The following PPP2CA variants were observed in gnomAD, a reference collection of about 807,000 sequenced individuals.
PPP2CA encodes protein phosphatase 2 catalytic subunit alpha.
A neutral mutation model predicts 38.8 loss-of-function variants in PPP2CA; 5 were observed. The ratio of observed to expected loss-of-function variants is 0.13; its 90% CI spans 0.07 to 0.27. PPP2CA has a LOEUF of 0.27. Among genes scored for constraint, PPP2CA ranks in the 10% least tolerant of loss-of-function variants. The pLI is 1.00. For synonymous variants in PPP2CA, 152 were observed against 134.0 expected (o/e 1.13, Z -0.93); for missense variants, 88 against 389.7 (o/e 0.23, Z 6.52).
In PPP2CA at chr5:134,197,616, G is replaced by C; in HGVS notation, c.*156C>G. 1.6e-6 allele frequency: 1 copy of C among 627,264 alleles called. No homozygotes were observed. The highest frequency in any genetic ancestry group is 2.0e-5 in the South Asian group (1 of 50,584). 38.9% of individuals were successfully genotyped at this position (627,264 alleles called of 1,614,324 possible). A position where few individuals can be genotyped will look rare whatever the true frequency, so the allele number is the denominator to read the frequency against. On this transcript the variant is annotated 3_prime_UTR_variant, in exon 7 of 7. Transcript: ENST00000481195. ...TGGTCACGGCTGTTGATGACAAGAGGCTTTGTATTTTTATATGGCACATCT... is the reference window on the plus strand; with the variant it reads ...TGGTCACGGCTGTTGATGACAAGAGCCTTTGTATTTTTATATGGCACATCT...
rs757879622 is a variant in PPP2CA, at chr5:134,199,069, C to G, written c.857+17G>C. ...ATATTCAGTAATGCAAGAAAATGTT[C>G]AGGTAGAATTACTTACAAAGAGTAT... On this transcript the variant is annotated intron_variant, in intron 6 of 6. Transcript: ENST00000481195. The G allele has an allele frequency of 3.8e-6, 6 of 1,561,998 alleles. No individual in the cohort carries two copies. In the Admixed American group the frequency reaches 1.0e-4, roughly 26 times the overall value.
intron 1 of PPP2CA, among the ~76,000 whole-genome samples, chr5:134,220,182 G>T (rs1417520775): frequency 2.0e-5 from 3 of 151,706 alleles, no homozygotes; most frequent in African/African-American, 7.3e-5. Flanking sequence ...AACAGGTCTG[G>T]TGCCAGTGGC....
intron 5 of PPP2CA, 101 bp downstream of exon 5, chr5:134,200,234 G>T: frequency 7.7e-7 from 1 of 1,297,838 alleles, no homozygotes; most frequent in Non-Finnish European, 1.0e-6. Flanking sequence ...AGAAGGAATA[G>T]ATGGAATTTC....
At chr5:134,212,833 C>G (rs796352292) in intron 1 of PPP2CA, among the ~76,000 whole-genome samples, 2 of 152,308 alleles carry the variant, frequency 1.3e-5, no homozygotes, top group African/African-American at 4.8e-5. Context: ...TAGATCAAAT[C>G]AGCCACAACA....
chr5:134,224,846 T>C (rs1315629130), intron 1 of PPP2CA, among the ~76,000 whole-genome samples: 1 of 152,260 alleles, frequency 6.6e-6, no homozygotes, highest in East Asian at 1.9e-4. Flanking sequence ...ATGTCTGGAA[T>C]ACAATCTCAG....
At chr5:134,199,003 G>A (rs1384017818) in intron 6 of PPP2CA, 83 bp downstream of exon 6, 1 of 1,110,994 alleles carries the variant, frequency 9.0e-7, no homozygotes, top group Admixed American at 1.8e-5. Context: ...GGGCAATATA[G>A]TGACACCCTC....
At chr5:134,216,293 T>C (rs958922620) in intron 1 of PPP2CA, among the ~76,000 whole-genome samples, 1 of 151,990 alleles carries the variant, frequency 6.6e-6, no homozygotes, top group African/African-American at 2.4e-5. Context: ...TCCCAGCACT[T>C]CGGGAGGCCA....
chr5:134,214,970 G>A (rs752477876), intron 1 of PPP2CA, among the ~76,000 whole-genome samples: 3 of 150,980 alleles, frequency 2.0e-5, no homozygotes, highest in Non-Finnish European at 4.4e-5. Flanking sequence ...AACTTGCATC[G>A]TTAACATTAT....
In PPP2CA at chr5:134,196,333, T is replaced by TA. The variant is rs1761848712; in HGVS notation, c.*1438dup. 1 of 152,238 alleles carries TA rather than the reference T, an allele frequency of 6.6e-6. No individual in the cohort carries two copies. The highest frequency in any genetic ancestry group is 2.4e-5 in the African/African-American group (1 of 41,452). The allele number at this position is 152,238 out of a possible 1,614,324, so 9.4% of individuals were successfully genotyped here. On this transcript the variant is annotated 3_prime_UTR_variant, in exon 7 of 7. Transcript: ENST00000481195. ...AGTGTTCCTGTTTACTCTGGTAGGT[T>TA]AAAATATCAAATATTAGTTCCCACA... is the stretch of plus-strand genomic sequence containing the variant.
At chr5:134,210,386 T>C (rs1762178172) in intron 1 of PPP2CA, among the ~76,000 whole-genome samples, 1 of 152,222 alleles carries the variant, frequency 6.6e-6, no homozygotes, top group African/African-American at 2.4e-5. Context: ...GCATTTTGAC[T>C]TCTGTAAAGT....
chr5:134,206,217 T>A, intron 1 of PPP2CA, 86 bp from the exon 2 acceptor site: 1 of 1,148,860 alleles, frequency 8.7e-7, no homozygotes, highest in Non-Finnish European at 1.3e-6. Flanking sequence ...TAATGTAGCT[T>A]AAGGGGCAGA....
Position 134,194,730 on chromosome 5 carries a change from C to T in PPP2CA, c.*3042G>A, listed in dbSNP as rs1419503320. The T allele has an allele frequency of 5.3e-5, 8 of 152,322 alleles. No homozygotes were observed. The highest frequency in any genetic ancestry group is 1.9e-4 in the African/African-American group (8 of 41,444). 9.4% of individuals were successfully genotyped at this position (152,322 alleles called of 1,614,324 possible). Reference sequence around the variant, plus strand: ...GTTCAAGTGATTCTCCTGCCTCAGCCTCCCAAGTAGCTGGGATTACAGGCT... The same window carrying T: ...GTTCAAGTGATTCTCCTGCCTCAGCTTCCCAAGTAGCTGGGATTACAGGCT... On this transcript the variant is annotated 3_prime_UTR_variant, in exon 7 of 7. Transcript: ENST00000481195.
chr5:134,208,164 G>A (rs1762123474), intron 1 of PPP2CA, among the ~76,000 whole-genome samples: 1 of 152,140 alleles, frequency 6.6e-6, no homozygotes, highest in South Asian at 2.1e-4. Context: ...ATCTTGCCAT[G>A]ATGTAATTTT....
At chr5:134,222,858 A>G (rs984394830) in intron 1 of PPP2CA, among the ~76,000 whole-genome samples, 8 of 152,248 alleles carry the variant, frequency 5.3e-5, no homozygotes, top group African/African-American at 1.2e-4. Context: ...TGGCTTTTGT[A>G]TAAGTCTTAA....
chr5:134,208,276 G>T (rs1405355171), intron 1 of PPP2CA, among the ~76,000 whole-genome samples: 3 of 152,070 alleles, frequency 2.0e-5, no homozygotes, highest in African/African-American at 7.2e-5. Context: ...TTGACTTTCA[G>T]GACTGCCTGA....
chr5:134,224,731 G>C (rs1762526221), intron 1 of PPP2CA, among the ~76,000 whole-genome samples: 1 of 152,146 alleles, frequency 6.6e-6, no homozygotes, highest in African/African-American at 2.4e-5. Flanking sequence ...CCAACCCCCA[G>C]GGGAAAACAA....
chr5:134,224,412 T>A (rs1762516558), intron 1 of PPP2CA: 1 of 400,342 alleles, frequency 2.5e-6, no homozygotes. Flanking sequence ...TAAATTCCAA[T>A]TGTTCACAAC....
intron 2 of PPP2CA, chr5:134,205,696 A>G (rs530830907): frequency 4.3e-6 from 2 of 461,338 alleles, no homozygotes; most frequent in Non-Finnish European, 7.9e-6. Context: ...TTTTTCAAAC[A>G]ATCTGACTGA....
rs1761860149 is a variant in PPP2CA, at chr5:134,196,753, T to G, written c.*1019A>C. The G allele has an allele frequency of 6.6e-6, 1 of 152,234 alleles. No homozygotes were observed. The highest frequency in any genetic ancestry group is 2.4e-5 in the African/African-American group (1 of 41,464). The allele number at this position is 152,234 out of a possible 1,614,324, so 9.4% of individuals were successfully genotyped here. ...AGCTCTACCTGAAAACATGCTGTTT[T>G]ATTAAAACAAAACCCAAAGACTTAA... On this transcript the variant is annotated 3_prime_UTR_variant, in exon 7 of 7. Coordinates refer to ENST00000481195, the MANE Select transcript of PPP2CA (RefSeq NM_002715.4).
Sources: gnomAD v4.1 joint callset for allele counts (sites outside exome capture counted in the v4.1 genomes callset) on GRCh38, gnomAD v4.1.1 for gene constraint, MANE v1.5 for transcripts, NCBI Gene and HGNC (gene_info 2026-07-23, HGNC 2026-07-21) for gene names.